The following CFAP97 variants were observed in gnomAD, a reference collection of about 807,000 sequenced individuals.
The protein encoded by CFAP97 is cilia and flagella associated protein 97.
CFAP97 carries 36 observed loss-of-function variants against 43.1 expected under a neutral mutation model. The observed-to-expected ratio is 0.84, with a 90% CI of 0.64 to 1.10. The LOEUF is 1.10. CFAP97 is among the 50% of genes least tolerant of loss of function. The pLI, the probability that CFAP97 is intolerant of heterozygous loss-of-function variation, is 0.00. For missense variants in CFAP97, 657 were observed against 620.3 expected (o/e 1.06, Z -0.63); for synonymous variants, 228 against 225.7 (o/e 1.01, Z -0.09).
At chr4:185,197,185 A>T (rs953699080) in intron 1 of CFAP97, among the ~76,000 whole-genome samples, 5 of 151,898 alleles carry the variant, frequency 3.3e-5, no homozygotes, top group African/African-American at 1.2e-4. Context: ...GAAGAAACTG[A>T]AATCACAAAA....
chr4:185,199,405 C>A (rs3108267), intron 1 of CFAP97, among the ~76,000 whole-genome samples: 76,509 of 151,558 alleles, frequency 0.5, 19,517 homozygotes, highest in East Asian at 0.6. Flanking sequence ...GCGGTGCCTC[C>A]CACCTATAAT....
At chr4:185,197,321 A>G (rs1234286965) in intron 1 of CFAP97, among the ~76,000 whole-genome samples, 8 of 152,170 alleles carry the variant, frequency 5.3e-5, no homozygotes, top group African/African-American at 1.9e-4. Flanking sequence ...CCCAGAATTA[A>G]TATTACACAT....
intron 1 of CFAP97, among the ~76,000 whole-genome samples, chr4:185,196,656 T>C (rs970993938): frequency 1.3e-5 from 2 of 152,156 alleles, no homozygotes; most frequent in Non-Finnish European, 2.9e-5. Context: ...CAAAAGGTAA[T>C]GTACTATGAT....
At chr4:185,207,149 T>C (rs1182371183), upstream of CFAP97, among the ~76,000 whole-genome samples, 2 of 152,056 alleles carry the variant, frequency 1.3e-5, no homozygotes, top group African/African-American at 4.8e-5. Context: ...AAATAATCCT[T>C]TGTCAGTTTT....
chr4:185,178,531 C>T (rs1469049502), intron 2 of CFAP97, among the ~76,000 whole-genome samples: 4 of 152,074 alleles, frequency 2.6e-5, no homozygotes, highest in African/African-American at 9.7e-5. Flanking sequence ...AGACATGAGC[C>T]ACTGCACCAG....
At chr4:185,207,608 G>T (rs1481249867), upstream of CFAP97, 2 of 152,024 alleles carry the variant, frequency 1.3e-5, no homozygotes, top group Admixed American at 1.3e-4. Context: ...GTAAATCAGA[G>T]AATTCTTAGG....
chr4:185,201,770 T>A (rs1736841647), intron 1 of CFAP97, among the ~76,000 whole-genome samples: 1 of 152,182 alleles, frequency 6.6e-6, no homozygotes, highest in Admixed American at 6.5e-5. Context: ...CCAAAATATC[T>A]CCAAGGTATG....
chr4:185,190,549 G>C lies in CFAP97; in HGVS notation c.648C>G (p.Leu216=). ...ATTTATACTTGTGTTTTGGTGACAG[G>C]AGGGTTATACCAGATACATGTTTCT... The part of the protein sequence containing the change: ...SSKKHVSGIT[L]LSPKHKYKSG... Residue 216 remains leucine (L), a synonymous_variant, in exon 2 of 5, where the codon CTC becomes CTG. Transcript: ENST00000458385. The C allele has an allele frequency of 1.2e-6, 2 of 1,613,912 alleles. No individual in the cohort carries two copies. The highest frequency in any genetic ancestry group is 2.2e-5 in the South Asian group (2 of 91,068).
intron 2 of CFAP97, among the ~76,000 whole-genome samples, chr4:185,184,795 G>A (rs1033665710): frequency 6.6e-6 from 1 of 152,062 alleles, no homozygotes; most frequent in Non-Finnish European, 1.5e-5. Context: ...TCTATTAGAT[G>A]GTTTTTAAAA....
chr4:185,167,015 G>C (rs143718551), intron 3 of CFAP97, among the ~76,000 whole-genome samples: 165 of 152,042 alleles, frequency 1.1e-3, no homozygotes, highest in African/African-American at 3.6e-3. Flanking sequence ...CATCAGCTAT[G>C]GTTAGCATAT....
At position 185,190,915 on chromosome 4, in the gene CFAP97, C is replaced by A; in HGVS notation, c.282G>T (p.Leu94Phe). 1 of 1,613,558 alleles carries A rather than the reference C, an allele frequency of 6.2e-7. No homozygotes were observed. The highest frequency in any genetic ancestry group is 8.5e-7 in the Non-Finnish European group (1 of 1,179,686). ...DVTQTVSSFS[L>F]PASSRSKKLC... ...ATTTTTTTGATCTTGAAGAGGCTGGCAATGAGAAAGAACTTACAGTTTGTG... is the reference window on the plus strand; with the variant it reads ...ATTTTTTTGATCTTGAAGAGGCTGGAAATGAGAAAGAACTTACAGTTTGTG... Residue 94 changes from leucine to phenylalanine, a missense_variant, in exon 2 of 5, where the codon TTG (leucine) becomes TTT (phenylalanine). Coordinates refer to ENST00000458385, the MANE Select transcript of CFAP97 (RefSeq NM_020827.3).
intron 3 of CFAP97, among the ~76,000 whole-genome samples, chr4:185,168,351 G>A (rs988246236): frequency 6.6e-6 from 1 of 151,054 alleles, no homozygotes; most frequent in African/African-American, 2.4e-5. Context: ...TCACACCTGC[G>A]ATCCCAGCAC....
At chr4:185,206,682 A>AG (rs1491520149), upstream of CFAP97, among the ~76,000 whole-genome samples, 2 of 148,668 alleles carry the variant, frequency 1.3e-5, no homozygotes, top group African/African-American at 5.0e-5. Context: ...AAAAAAAAAA[A>AG]GAATGGAAGA....
upstream of CFAP97, chr4:185,210,068 C>T (rs1354297642): frequency 4.1e-6 from 4 of 984,170 alleles, no homozygotes; most frequent in African/African-American, 7.0e-5. This position sits in a 1 kb window ranked among gnomAD's most constrained non-coding sequence, Gnocchi z 4.4. Context: ...AGCGGGGAGG[C>T]GGCGGGGGCC....
At chr4:185,199,080 T>C (rs1018669290) in intron 1 of CFAP97, among the ~76,000 whole-genome samples, 5 of 151,974 alleles carry the variant, frequency 3.3e-5, no homozygotes, top group Non-Finnish European at 5.9e-5. Context: ...TCAAAAATAT[T>C]AGGGCCCTTA....
chr4:185,177,366 T>C (rs1255757405), intron 2 of CFAP97, among the ~76,000 whole-genome samples: 2 of 151,640 alleles, frequency 1.3e-5, no homozygotes, highest in South Asian at 2.1e-4. Flanking sequence ...TGAGCCGAGA[T>C]TGCGCCATTG....
chr4:185,201,400 T>C lies in CFAP97; in HGVS notation c.-17+2498A>G, dbSNP rs569191312. Among the ~76,000 whole-genome samples, 110 of 152,210 alleles carry C rather than the reference T, an allele frequency of 7.2e-4. 1 individual carries two copies. The highest frequency in any genetic ancestry group is 2.5e-3 in the African/African-American group (104 of 41,528). ...CATCACAAGCTACAGAAATCTTTTG[T>C]GAAAAGAAGTCAATCAATAAAGCAA... On this transcript the variant is annotated intron_variant, in intron 1 of 4. Transcript: ENST00000458385.
At chr4:185,177,230 T>C (rs1366575254) in intron 2 of CFAP97, among the ~76,000 whole-genome samples, 2 of 151,850 alleles carry the variant, frequency 1.3e-5, no homozygotes, top group Non-Finnish European at 2.9e-5. Context: ...CTGGACAACA[T>C]GGTGAAACCC....
chr4:185,206,306 A>G (rs1374050450), upstream of CFAP97, among the ~76,000 whole-genome samples: 2 of 152,214 alleles, frequency 1.3e-5, no homozygotes, highest in Non-Finnish European at 2.9e-5. Context: ...AAAATGGAAT[A>G]TTATTCAGCC....
Sources: gnomAD v4.1 joint callset for allele counts (sites outside exome capture counted in the v4.1 genomes callset) on GRCh38, gnomAD v4.1.1 for gene constraint, Gnocchi (gnomAD v3.1) non-coding constraint, MANE v1.5 for transcripts, NCBI Gene and HGNC (gene_info 2026-07-23, HGNC 2026-07-21) for gene names.